Variants in CDH13 observed in about 807,000 individuals in gnomAD.
The protein encoded by CDH13 is cadherin 13.
In CDH13, 24 loss-of-function variants were observed where a neutral mutation model predicts 63.8. The observed-to-expected ratio is 0.38, with a 90% CI of 0.27 to 0.53. The LOEUF is 0.53. Among genes scored for constraint, CDH13 ranks in the 20% least tolerant of loss-of-function variants. The pLI is 0.85. For missense variants in CDH13, 1,049 were observed against 903.1 expected, an observed-to-expected ratio of 1.16 and a Z score of -2.07; for synonymous variants, 503 against 355.3, an observed-to-expected ratio of 1.42 and a Z score of -4.67.
intron 1 of CDH13, among the ~76,000 whole-genome samples, chr16:82,779,630 A>C (rs992547504): frequency 6.6e-6 from 1 of 152,238 alleles, no homozygotes; most frequent in African/African-American, 2.4e-5. Flanking sequence ...AACAAACCTC[A>C]TAATTTACCT....
intron 5 of CDH13, among the ~76,000 whole-genome samples, chr16:83,242,622 A>G (rs1411693525): frequency 6.6e-6 from 1 of 152,200 alleles, no homozygotes; most frequent in East Asian, 1.9e-4. Flanking sequence ...ATGGAGTTAG[A>G]TCAGTGGAAG....
intron 5 of CDH13, among the ~76,000 whole-genome samples, chr16:83,299,807 G>C (rs1163233677): frequency 6.6e-6 from 1 of 152,160 alleles, no homozygotes; most frequent in Non-Finnish European, 1.5e-5. Flanking sequence ...AACACTTAGT[G>C]GCTGAAAACA....
chr16:83,448,928 C>T (rs977375276), intron 6 of CDH13, among the ~76,000 whole-genome samples: 4 of 152,108 alleles, frequency 2.6e-5, no homozygotes, highest in African/African-American at 7.2e-5. Flanking sequence ...GTGAGGAATA[C>T]AGGATTCTTC....
chr16:83,398,353 C>T (rs1161892315), intron 6 of CDH13, among the ~76,000 whole-genome samples: 3 of 152,174 alleles, frequency 2.0e-5, no homozygotes, highest in African/African-American at 7.2e-5. Context: ...ATTCCATGGC[C>T]TCAGCTGCAT....
chr16:83,027,645 C>T (rs1915939376), intron 2 of CDH13, among the ~76,000 whole-genome samples: 1 of 152,132 alleles, frequency 6.6e-6, no homozygotes, highest in Non-Finnish European at 1.5e-5. Flanking sequence ...TGGAGAAAAG[C>T]TGGTCTTATA....
At chr16:82,686,718 C>G (rs1467051033) in intron 1 of CDH13, among the ~76,000 whole-genome samples, 1 of 152,100 alleles carries the variant, frequency 6.6e-6, no homozygotes, top group African/African-American at 2.4e-5. Context: ...GTTGACAACC[C>G]AGAATGTTGC....
chr16:83,556,728 C>T (rs571537374), intron 7 of CDH13, among the ~76,000 whole-genome samples: 31 of 152,296 alleles, frequency 2.0e-4, no homozygotes, highest in African/African-American at 7.2e-4. Flanking sequence ...CAATATTGGC[C>T]TGGCTTCGAT....
intron 7 of CDH13, among the ~76,000 whole-genome samples, chr16:83,497,079 C>G (rs1346235262): frequency 6.6e-6 from 1 of 152,190 alleles, no homozygotes; most frequent in Non-Finnish European, 1.5e-5. Flanking sequence ...TAAAGTAGTT[C>G]AACCATTGTG....
At chr16:83,041,501 G>A (rs2151488696) in intron 3 of CDH13, among the ~76,000 whole-genome samples, 1 of 151,930 alleles carries the variant, frequency 6.6e-6, no homozygotes, top group Non-Finnish European at 1.5e-5. Flanking sequence ...ATCGTCAATT[G>A]CCCAAAAGCC....
At chr16:83,021,201 A>T (rs1317659043) in intron 2 of CDH13, among the ~76,000 whole-genome samples, 1 of 152,166 alleles carries the variant, frequency 6.6e-6, no homozygotes. Context: ...CATCATTCTC[A>T]GTTGTGTTTG....
At chr16:82,750,079 C>T (rs994907067) in intron 1 of CDH13, among the ~76,000 whole-genome samples, 2 of 152,078 alleles carry the variant, frequency 1.3e-5, no homozygotes, top group South Asian at 2.1e-4. Flanking sequence ...CAAAAAGAGA[C>T]TCTCCTTCTA....
intron 2 of CDH13, among the ~76,000 whole-genome samples, chr16:82,938,382 T>G (rs139627691): frequency 6.6e-6 from 1 of 152,360 alleles, no homozygotes; most frequent in East Asian, 1.9e-4. Context: ...ATGATCAATG[T>G]TTCTTTTAGA....
intron 6 of CDH13, among the ~76,000 whole-genome samples, chr16:83,470,946 C>G (rs2073436735): frequency 6.6e-6 from 1 of 152,170 alleles, no homozygotes; most frequent in South Asian, 2.1e-4. Context: ...GGAGAATCCA[C>G]TTTCTTGATT....
intron 5 of CDH13, among the ~76,000 whole-genome samples, chr16:83,323,505 G>A (rs537425272): frequency 2.0e-5 from 3 of 151,562 alleles, no homozygotes; most frequent in Admixed American, 6.6e-5. Context: ...GCTCTCAAAC[G>A]CCTGACTTCA....
intron 6 of CDH13, among the ~76,000 whole-genome samples, chr16:83,428,894 C>G (rs1055706133): frequency 1.3e-5 from 2 of 152,222 alleles, no homozygotes; most frequent in Non-Finnish European, 2.9e-5. Context: ...GTTAAAATAA[C>G]TGTTGCACTG....
chr16:83,637,284 C>A (rs1911350629), intron 8 of CDH13, among the ~76,000 whole-genome samples: 1 of 135,404 alleles, frequency 7.4e-6, no homozygotes, highest in Admixed American at 7.5e-5. Context: ...ATAGGAACAG[C>A]TCCGGTCTAC....
chr16:83,392,957 G>A (rs1260568812), intron 6 of CDH13, among the ~76,000 whole-genome samples: 2 of 151,912 alleles, frequency 1.3e-5, no homozygotes, highest in Admixed American at 6.5e-5. Context: ...GGAGGGGAGA[G>A]GCCCAGGGGA....
At chr16:83,349,683 C>A (rs527971459) in intron 6 of CDH13, among the ~76,000 whole-genome samples, 1 of 152,090 alleles carries the variant, frequency 6.6e-6, no homozygotes, top group African/African-American at 2.4e-5. Flanking sequence ...TCACTGCAAC[C>A]TGTGCCTCCT....
chr16:83,749,595 A>G (rs1189558651), intron 11 of CDH13, among the ~76,000 whole-genome samples: 2 of 152,228 alleles, frequency 1.3e-5, no homozygotes, highest in Non-Finnish European at 2.9e-5. Flanking sequence ...GAACCAGGAG[A>G]CCCTGAAACT....
Sources: gnomAD v4.1 joint callset for allele counts (sites outside exome capture counted in the v4.1 genomes callset) on GRCh38, gnomAD v4.1.1 for gene constraint, MANE v1.5 for transcripts, NCBI Gene and HGNC (gene_info 2026-07-23, HGNC 2026-07-21) for gene names.